ADAM17: variants seen among roughly 807,000 people sequenced by gnomAD.
The protein encoded by ADAM17 is ADAM metallopeptidase domain 17, also known as disintegrin and metalloproteinase domain-containing protein 17.
In ADAM17, 39 loss-of-function variants were observed where a neutral mutation model predicts 96.7. The ratio of observed to expected loss-of-function variants is 0.40; its 90% CI spans 0.31 to 0.53. ADAM17 has a LOEUF of 0.53. Among genes scored for constraint, ADAM17 ranks in the 20% least tolerant of loss-of-function variants. ADAM17 has a pLI of 0.44. For synonymous variants in ADAM17, 344 were observed against 359.2 expected (o/e 0.96, Z 0.48); for missense variants, 777 against 1,013.2 (o/e 0.77, Z 3.17).
rs376877494 is a variant in ADAM17 at position 9,493,743 on chromosome 2, C to A, written c.1993+4G>T. On this transcript the variant is annotated splice_donor_region_variant and intron_variant, in intron 16 of 18. Coordinates refer to ENST00000310823, the MANE Select transcript of ADAM17 (RefSeq NM_003183.6). ...TCAGTAAGTAATCTGGGGAAATCAC[C>A]TACCAAAAGTATTGATGCTCAGCTG... is the stretch of plus-strand genomic sequence containing the variant. The A allele has an allele frequency of 1.7e-5, 27 of 1,612,416 alleles. No homozygotes were observed. Among genetic ancestry groups the A allele is most frequent in the Non-Finnish European group, 2.3e-5 (27 of 1,178,646 alleles).
intron 10 of ADAM17, among the ~76,000 whole-genome samples, chr2:9,515,919 C>T (rs1001992338): frequency 1.3e-4 from 20 of 152,040 alleles, no homozygotes; most frequent in Admixed American, 1.3e-3. Flanking sequence ...AGTAATAGCA[C>T]ATTGTTGTTG....
chr2:9,534,304 G>T (rs1664868328), intron 4 of ADAM17, among the ~76,000 whole-genome samples: 1 of 152,190 alleles, frequency 6.6e-6, no homozygotes, highest in Non-Finnish European at 1.5e-5. Context: ...AGGAGCCAGA[G>T]GTTGCAGTGA....
intron 4 of ADAM17, 23 bp from the exon 5 acceptor site, chr2:9,527,977 C>CT (rs1664594345): frequency 7.1e-7 from 1 of 1,408,112 alleles, no homozygotes; most frequent in Admixed American, 2.5e-5. Flanking sequence ...ATATATACGA[C>CT]TGAGATGGAA....
intron 13 of ADAM17, 76 bp downstream of exon 13, chr2:9,502,096 CA>C: frequency 7.6e-7 from 1 of 1,318,396 alleles, no homozygotes; most frequent in Non-Finnish European, 1.1e-6. Flanking sequence ...CTCATCTGAA[CA>C]AAACATAATC....
chr2:9,499,612 C>T (rs1662880545), intron 13 of ADAM17, among the ~76,000 whole-genome samples: 1 of 152,114 alleles, frequency 6.6e-6, no homozygotes, highest in Non-Finnish European at 1.5e-5. Flanking sequence ...CCGTGTTAGC[C>T]AGGATGGTCT....
chr2:9,512,799 CCATAAAATCTCAAAAAA>C (rs936695400), intron 10 of ADAM17, among the ~76,000 whole-genome samples: 1 of 152,018 alleles, frequency 6.6e-6, no homozygotes, highest in African/African-American at 2.4e-5. Context: ...AATGAAGCCT[CCATAAAATCTCAAAAAA>C]CAGGATTCAG....
rs953239993 is a variant in ADAM17, at chr2:9,489,869, T to C, written c.*308A>G. The C allele has an allele frequency of 1.2e-5, 3 of 247,986 alleles. No individual in the cohort carries two copies. Among genetic ancestry groups the C allele is most frequent in the Non-Finnish European group, 2.4e-5 (3 of 126,574 alleles). The allele number at this position is 247,986 out of a possible 1,614,324, so 15.4% of individuals were successfully genotyped here. ...TGCTGTTATCAATATAAAAGATTAATTTACAAAAACGTAAATATTCATAAC... is the reference window on the plus strand; with the variant it reads ...TGCTGTTATCAATATAAAAGATTAACTTACAAAAACGTAAATATTCATAAC... On this transcript the variant is annotated 3_prime_UTR_variant, in exon 19 of 19. Coordinates refer to ENST00000310823, the MANE Select transcript of ADAM17 (RefSeq NM_003183.6).
At chr2:9,524,610 T>C (rs187588319) in intron 6 of ADAM17, among the ~76,000 whole-genome samples, 1 of 152,292 alleles carries the variant, frequency 6.6e-6, no homozygotes, top group East Asian at 1.9e-4. Context: ...ACTCTATCTC[T>C]TGGTGAGTAC....
chr2:9,521,413 C>G, intron 7 of ADAM17, 97 bp from the exon 8 acceptor site: 1 of 890,468 alleles, frequency 1.1e-6, no homozygotes, highest in Non-Finnish European at 1.7e-6. Flanking sequence ...AAGAATCGTT[C>G]TAGAAAAAAA....
chr2:9,514,567 AT>A (rs1163537385), intron 10 of ADAM17, among the ~76,000 whole-genome samples: 14 of 122,204 alleles, frequency 1.1e-4, no homozygotes, highest in East Asian at 2.8e-4. Flanking sequence ...ATATATATAT[AT>A]AAATAAAAAG....
At chr2:9,526,901 A>C (rs1664553826) in intron 5 of ADAM17, among the ~76,000 whole-genome samples, 1 of 152,274 alleles carries the variant, frequency 6.6e-6, no homozygotes, top group Non-Finnish European at 1.5e-5. Context: ...TTATGAATTA[A>C]CCAATGTAAC....
At position 9,526,224 on chromosome 2, in the gene ADAM17, T is replaced by C; in HGVS notation, c.640A>G (p.Arg214Gly). ...PPEELVHRVK[R>G]RADPDPMKNT... ...TTCATGGGATCTGGGTCAGCTCTTCTTTTCACTCGATGAACAAGCTCTAAT... is the reference window on the plus strand; with the variant it reads ...TTCATGGGATCTGGGTCAGCTCTTCCTTTCACTCGATGAACAAGCTCTAAT... Residue 214 changes from arginine to glycine, a missense_variant, in exon 6 of 19, where the codon AGA (arginine) becomes GGA (glycine). By Grantham distance (125) the Arg-to-Gly change is moderately radical. This residue lies in a region of ADAM17 where 446 missense variants were observed against 664.7 expected (regional missense o/e 0.67). Coordinates refer to ENST00000310823, the MANE Select transcript of ADAM17 (RefSeq NM_003183.6). 6.2e-7 allele frequency: 1 copy of C among 1,613,800 alleles called. No individual in the cohort carries two copies. Among genetic ancestry groups the C allele is most frequent in the Non-Finnish European group, 8.5e-7 (1 of 1,179,902 alleles).
At chr2:9,553,468 G>C (rs1265835979) in intron 1 of ADAM17, among the ~76,000 whole-genome samples, 1 of 151,764 alleles carries the variant, frequency 6.6e-6, no homozygotes, top group Admixed American at 6.6e-5. Flanking sequence ...GAGGTCAGGA[G>C]TTCGAGACCA....
At position 9,491,192 on chromosome 2, in the gene ADAM17, A is replaced by G. The variant is rs779027718; in HGVS notation, c.2083-41T>C. ...AAGAAGGTCATTCCCTACAAATACA[A>G]TTCAGTTAGTGAGTACTATTTCATC... On this transcript the variant is annotated intron_variant, in intron 17 of 18. Transcript: ENST00000310823. The G allele has an allele frequency of 2.5e-6, 4 of 1,572,018 alleles. No individual in the cohort carries two copies. The Admixed American group carries it at 5.0e-5, about 20-fold the overall frequency.
intron 1 of ADAM17, among the ~76,000 whole-genome samples, chr2:9,547,863 C>A (rs1665453271): frequency 6.6e-6 from 1 of 151,940 alleles, no homozygotes; most frequent in South Asian, 2.1e-4. Flanking sequence ...CAAGCTTGGG[C>A]AACACAGCAA....
At chr2:9,521,394 G>A in intron 7 of ADAM17, 78 bp from the exon 8 acceptor site, 1 of 998,090 alleles carries the variant, frequency 1.0e-6, no homozygotes, top group South Asian at 1.7e-5. Context: ...TATTTTATCT[G>A]TTCAAAAAAA....
chr2:9,506,524 G>A (rs546412974), intron 11 of ADAM17, among the ~76,000 whole-genome samples: 10 of 151,956 alleles, frequency 6.6e-5, no homozygotes, highest in African/African-American at 1.4e-4. Context: ...ATGCCACCAC[G>A]CCCAGCTAAT....
chr2:9,539,539 A>T (rs1299799871), intron 2 of ADAM17, among the ~76,000 whole-genome samples: 1 of 152,098 alleles, frequency 6.6e-6, no homozygotes, highest in Non-Finnish European at 1.5e-5. Context: ...TGCTTTTTCA[A>T]CCTCTAATAG....
At chr2:9,492,555 T>A (rs1337444698) in intron 17 of ADAM17, among the ~76,000 whole-genome samples, 1 of 152,182 alleles carries the variant, frequency 6.6e-6, no homozygotes, top group Non-Finnish European at 1.5e-5. Context: ...TGATATTTGC[T>A]CTATTGCAAC....
Sources: allele counts gnomAD v4.1 joint callset (sites outside exome capture counted in the v4.1 genomes callset), GRCh38; gene constraint gnomAD v4.1.1; regional missense constraint gnomAD v4.1.1; transcripts MANE v1.5; gene names NCBI Gene and HGNC (gene_info 2026-07-23, HGNC 2026-07-21).